Variants in GPBP1L1 observed in about 807,000 individuals in gnomAD.
GPBP1L1 encodes GC-rich promoter binding protein 1 like 1, also known as vasculin-like protein 1.
GPBP1L1 carries 23 observed loss-of-function variants against 52.5 expected under a neutral mutation model. The ratio of observed to expected loss-of-function variants is 0.44; its 90% CI spans 0.32 to 0.62. The LOEUF is 0.62. Ranked by LOEUF, GPBP1L1 falls within the 20% of genes least tolerant of loss-of-function variation. The probability of loss-of-function intolerance (pLI) is 0.06; values close to 1 mark genes in which losing one functional copy is unlikely to be tolerated. For missense variants in GPBP1L1, 596 were observed against 579.3 expected, an observed-to-expected ratio of 1.03 and a Z score of -0.30; for synonymous variants, 243 against 203.1, an observed-to-expected ratio of 1.20 and a Z score of -1.67.
chr1:45,628,913 C>T (rs751901016), intron 12 of GPBP1L1, among the ~76,000 whole-genome samples: 6 of 152,330 alleles, frequency 3.9e-5, no homozygotes, highest in African/African-American at 4.8e-5. Context: ...CTGCCTGCCT[C>T]GGCCTCCCAA....
intron 6 of GPBP1L1, chr1:45,654,273 T>G: frequency 3.6e-6 from 1 of 274,100 alleles, no homozygotes; most frequent in East Asian, 7.2e-5. Context: ...ATAATTATAT[T>G]TGAGTAAACT....
At chr1:45,632,649 G>A (rs1010810434) in intron 10 of GPBP1L1, among the ~76,000 whole-genome samples, 2 of 152,202 alleles carry the variant, frequency 1.3e-5, no homozygotes, top group African/African-American at 4.8e-5. Context: ...CCGGGAAGCG[G>A]AGGTTGCAAT....
chr1:45,683,751 CAAAAAAAAAAAA>C (rs55857116), intron 2 of GPBP1L1, among the ~76,000 whole-genome samples: 1 of 93,134 alleles, frequency 1.1e-5, no homozygotes, highest in African/African-American at 4.5e-5. Context: ...TAATAAAATA[CAAAAAAAAAAAA>C]AAAAAAAAAT....
Position 45,660,641 on chromosome 1 carries a change from T to G in GPBP1L1, c.-513A>C. On this transcript the variant is annotated 5_prime_UTR_variant, in exon 3 of 13. Transcript: ENST00000355105. ...GTGTGGACAAATAATGTCATCAAGG[T>G]AATAGATCAAAAATATTAAAGCCCT... 1 of 759,338 alleles carries G rather than the reference T, an allele frequency of 1.3e-6. No individual in the cohort carries two copies. The highest frequency in any genetic ancestry group is 1.6e-6 in the Non-Finnish European group (1 of 623,450). 47.0% of individuals were successfully genotyped at this position (759,338 alleles called of 1,614,324 possible). A position where few individuals can be genotyped will look rare whatever the true frequency, so the allele number is the denominator to read the frequency against.
intron 7 of GPBP1L1, 111 bp from the exon 8 acceptor site, chr1:45,640,514 G>C: frequency 1.2e-6 from 1 of 826,976 alleles, no homozygotes; most frequent in Non-Finnish European, 2.0e-6. Flanking sequence ...TTGAGACAGA[G>C]GGATTAAACA....
chr1:45,651,103 A>G, intron 6 of GPBP1L1: 1 of 504,962 alleles, frequency 2.0e-6, no homozygotes, highest in South Asian at 1.4e-5. Flanking sequence ...CTTGGGACCC[A>G]GGACATTGCC....
At chr1:45,638,969 T>C (rs955386869) in intron 8 of GPBP1L1, among the ~76,000 whole-genome samples, 1 of 152,170 alleles carries the variant, frequency 6.6e-6, no homozygotes, top group African/African-American at 2.4e-5. Flanking sequence ...TAGCACACTA[T>C]GACCCATGGG....
At chr1:45,637,511 T>C (rs1644608604) in intron 8 of GPBP1L1, among the ~76,000 whole-genome samples, 1 of 86,830 alleles carries the variant, frequency 1.2e-5, no homozygotes, top group Non-Finnish European at 2.7e-5. Context: ...TACCATCCTC[T>C]TCAAGCTTCA....
At position 45,628,186 on chromosome 1, in the gene GPBP1L1, G is replaced by C; in HGVS notation, c.*70C>G. The C allele has an allele frequency of 7.2e-7, 1 of 1,392,300 alleles. No individual in the cohort carries two copies. 86.2% of individuals were successfully genotyped at this position (1,392,300 alleles called of 1,614,324 possible). Reference sequence around the variant, plus strand: ...AACAACATAAGAAAAGGAAAAGAACGATTTCTTTTGTATACTCCCTAAACA... The same window carrying C: ...AACAACATAAGAAAAGGAAAAGAACCATTTCTTTTGTATACTCCCTAAACA... On this transcript the variant is annotated 3_prime_UTR_variant, in exon 13 of 13. Transcript: ENST00000355105.
In GPBP1L1 at chr1:45,683,970, C is replaced by G. The variant is rs117394198; in HGVS notation, c.-1098+1606G>C. Among the ~76,000 whole-genome samples, 10 of 151,012 alleles carry G rather than the reference C, an allele frequency of 6.6e-5. No individual in the cohort carries two copies. In the South Asian group the frequency reaches 2.1e-3, roughly 32 times the overall value. The stretch of plus-strand genomic sequence containing the variant: ...CCAGTATACTTATAAAAGTAAACAA[C>G]AAGCCGGGCGGGGGCGGTGGCTCAT... On this transcript the variant is annotated intron_variant, in intron 2 of 12. Transcript: ENST00000355105.
intron 4 of GPBP1L1, among the ~76,000 whole-genome samples, chr1:45,657,620 G>A (rs905498259): frequency 6.6e-6 from 1 of 152,152 alleles, no homozygotes; most frequent in Non-Finnish European, 1.5e-5. Flanking sequence ...TTTGGAGGCT[G>A]AGGTGACAGG....
chr1:45,645,802 T>C, intron 6 of GPBP1L1: 3 of 386,214 alleles, frequency 7.8e-6, no homozygotes, highest in South Asian at 2.1e-5. Flanking sequence ...TATTTGTAAA[T>C]ATGTATTGCA....
chr1:45,642,886 T>C (rs1358244717), intron 6 of GPBP1L1, among the ~76,000 whole-genome samples: 1 of 152,196 alleles, frequency 6.6e-6, no homozygotes, highest in Non-Finnish European at 1.5e-5. Flanking sequence ...GTCAGTGAAA[T>C]GTATAGTATT....
intron 2 of GPBP1L1, among the ~76,000 whole-genome samples, chr1:45,668,684 A>C (rs1645039592): frequency 6.6e-6 from 1 of 152,168 alleles, no homozygotes; most frequent in South Asian, 2.1e-4. Context: ...AAAAAAACCA[A>C]AACAGAACAC....
At position 45,659,074 on chromosome 1, in the gene GPBP1L1, T is replaced by C. The variant is rs1405810842; in HGVS notation, c.14A>G (p.Asp5Gly). Reference sequence around the variant, plus strand: ...GAAATTTAGCCAAGCAGGAACAAAATCATGCTGCGCCATTTAGGTCCAGTG... The same window carrying C: ...GAAATTTAGCCAAGCAGGAACAAAACCATGCTGCGCCATTTAGGTCCAGTG... MAQH[D>G]FVPAWLNFST... Residue 5 changes from aspartate to glycine, a missense_variant, in exon 4 of 13, where the codon GAT (aspartate) becomes GGT (glycine). Asp to Gly is a moderately conservative substitution (Grantham distance 94). Transcript: ENST00000355105. 2.5e-6 allele frequency: 4 copies of C among 1,614,110 alleles called. No homozygotes were observed. The highest frequency in any genetic ancestry group is 1.7e-5 in the Admixed American group (1 of 60,016).
intron 2 of GPBP1L1, among the ~76,000 whole-genome samples, chr1:45,678,285 T>G (rs1330861122): frequency 6.6e-6 from 1 of 152,236 alleles, no homozygotes; most frequent in Non-Finnish European, 1.5e-5. Flanking sequence ...ATGTGTATTT[T>G]GTTATATAAA....
At chr1:45,653,596 G>C (rs1217831396) in intron 6 of GPBP1L1, among the ~76,000 whole-genome samples, 2 of 152,098 alleles carry the variant, frequency 1.3e-5, no homozygotes, top group African/African-American at 4.8e-5. Context: ...CTGGCATCAA[G>C]CAATCCTCCT....
chr1:45,653,374 A>G (rs1028307760), intron 6 of GPBP1L1, among the ~76,000 whole-genome samples: 1 of 152,160 alleles, frequency 6.6e-6, no homozygotes, highest in African/African-American at 2.4e-5. Flanking sequence ...TCTGTATAAG[A>G]AACAAAAAAA....
intron 2 of GPBP1L1, among the ~76,000 whole-genome samples, chr1:45,669,075 A>G (rs1645043857): frequency 6.6e-6 from 1 of 152,370 alleles, no homozygotes; most frequent in Non-Finnish European, 1.5e-5. Context: ...TTCAACCATG[A>G]AATAGTTTCC....
Sources: allele counts gnomAD v4.1 joint callset (sites outside exome capture counted in the v4.1 genomes callset), GRCh38; gene constraint gnomAD v4.1.1; transcripts MANE v1.5; gene names NCBI Gene and HGNC (gene_info 2026-07-23, HGNC 2026-07-21).